The following DCLK1 variants were observed in gnomAD, a reference collection of about 807,000 sequenced individuals.
The protein encoded by DCLK1 is doublecortin like kinase 1.
DCLK1 carries 16 observed loss-of-function variants against 86.2 expected under a neutral mutation model. The observed-to-expected ratio is 0.19, with a 90% CI of 0.13 to 0.28. The LOEUF is 0.28. Ranked by LOEUF, DCLK1 falls within the 10% of genes least tolerant of loss-of-function variation. The pLI is 1.00. For synonymous variants in DCLK1, 369 were observed against 370.5 expected (o/e 1.00, Z 0.05); for missense variants, 590 against 940.2 (o/e 0.63, Z 4.87).
chr13:35,869,786 G>A (rs1013494354), intron 5 of DCLK1, among the ~76,000 whole-genome samples: 4 of 152,182 alleles, frequency 2.6e-5, no homozygotes, highest in African/African-American at 9.6e-5. Flanking sequence ...GTGCTCAGGT[G>A]ATGGTGATGC....
At chr13:35,933,494 A>G (rs947430399) in intron 4 of DCLK1, among the ~76,000 whole-genome samples, 18 of 152,212 alleles carry the variant, frequency 1.2e-4, no homozygotes, top group African/African-American at 4.3e-4. Context: ...GCATCCAGGC[A>G]TTTCCATACA....
chr13:35,838,956 CT>C (rs1190105926), intron 7 of DCLK1, 135 bp downstream of exon 7: 1 of 745,954 alleles, frequency 1.3e-6, no homozygotes, highest in African/African-American at 1.8e-5. Context: ...ATATTCAACC[CT>C]ATCCCCTTGT....
intron 3 of DCLK1, among the ~76,000 whole-genome samples, chr13:35,954,557 G>A (rs1877877779): frequency 6.6e-6 from 1 of 152,190 alleles, no homozygotes; most frequent in Non-Finnish European, 1.5e-5. Context: ...TATTAGAAGC[G>A]TGTTACGTTA....
At chr13:36,103,947 G>A (rs141952456) in intron 3 of DCLK1, among the ~76,000 whole-genome samples, 21 of 152,318 alleles carry the variant, frequency 1.4e-4, no homozygotes, top group Non-Finnish European at 2.1e-4. Flanking sequence ...CTCAGACGGC[G>A]AGATGTTTCT....
At chr13:35,860,956 C>T (rs992389013) in intron 5 of DCLK1, among the ~76,000 whole-genome samples, 2 of 152,128 alleles carry the variant, frequency 1.3e-5, no homozygotes, top group Admixed American at 1.3e-4. Flanking sequence ...GTGGAAAAGC[C>T]CAAGCTGGGG....
At chr13:35,846,649 T>C in intron 6 of DCLK1, 1 of 985,396 alleles carries the variant, frequency 1.0e-6, no homozygotes, top group Non-Finnish European at 1.2e-6. Context: ...GCAATTGGTA[T>C]ATTGAATTCA....
chr13:35,925,212 G>A (rs7983295), intron 4 of DCLK1, among the ~76,000 whole-genome samples: 98,882 of 152,070 alleles, frequency 0.65, 32,591 homozygotes, highest in Admixed American at 0.76. Context: ...GCAGAGGAGC[G>A]GCCAAAGGAG....
Position 35,871,285 on chromosome 13 carries a change from C to T in DCLK1, c.879G>A (p.Arg293=). 1 of 1,613,892 alleles carries T rather than the reference C, an allele frequency of 6.2e-7. No individual in the cohort carries two copies. The highest frequency in any genetic ancestry group is 1.1e-5 in the South Asian group (1 of 91,046). ...ACGGTCCTGGGCTCTTGGTGGTGCT[C>T]CTGCGGGATGATGAAGCTATTTTGG... ...SYTKIASSSR[R]STTKSPGPSR... is the part of the protein sequence containing the mutation. The change falls in exon 5 of 17, where the codon AGG becomes AGA. Residue 293 remains arginine, a synonymous_variant. Transcript: ENST00000360631.
chr13:36,123,812 G>A (rs1205466631), intron 2 of DCLK1, among the ~76,000 whole-genome samples: 1 of 152,232 alleles, frequency 6.6e-6, no homozygotes, highest in African/African-American at 2.4e-5. Context: ...CTTCAGTCAA[G>A]ACATCAGTCC....
intron 4 of DCLK1, among the ~76,000 whole-genome samples, chr13:35,894,328 G>T (rs1298927991): frequency 6.6e-6 from 1 of 152,156 alleles, no homozygotes; most frequent in Non-Finnish European, 1.5e-5. Flanking sequence ...TTATCCAGGG[G>T]CACACAGCTA....
At chr13:35,918,892 G>GTTTTTTGTTTTTTTT (rs1875603140) in intron 4 of DCLK1, among the ~76,000 whole-genome samples, 3 of 76,310 alleles carry the variant, frequency 3.9e-5, no homozygotes, top group African/African-American at 1.3e-4. Flanking sequence ...TTCTGAGTGT[G>GTTTTTTGTTTTTTTT]TTTTTTTTTT....
chr13:36,005,192 A>G (rs1388477394), intron 3 of DCLK1, among the ~76,000 whole-genome samples: 4 of 152,226 alleles, frequency 2.6e-5, no homozygotes, highest in Non-Finnish European at 5.9e-5. Flanking sequence ...AAACATAAAT[A>G]AGAAGTTTGA....
At chr13:35,820,627 G>A (rs9545466) in intron 11 of DCLK1, among the ~76,000 whole-genome samples, 9,254 of 152,236 alleles carry the variant, frequency 0.061, 377 homozygotes, top group Middle Eastern at 0.1. Flanking sequence ...ATTTTCAGTC[G>A]CTGAAGTTTG....
At chr13:35,893,602 T>C (rs1023131752) in intron 4 of DCLK1, among the ~76,000 whole-genome samples, 27 of 152,206 alleles carry the variant, frequency 1.8e-4, no homozygotes, top group African/African-American at 6.0e-4. Context: ...TGCAGGTACA[T>C]TGCACAGGTT....
intron 15 of DCLK1, among the ~76,000 whole-genome samples, chr13:35,796,408 G>A (rs1241151470): frequency 1.3e-5 from 2 of 152,170 alleles, no homozygotes; most frequent in Admixed American, 1.3e-4. Context: ...GGGTAGGGAC[G>A]GAGGGTAGAA....
At chr13:35,850,966 C>A (rs552093592) in intron 6 of DCLK1, among the ~76,000 whole-genome samples, 142 of 152,274 alleles carry the variant, frequency 9.3e-4, no homozygotes, top group African/African-American at 3.3e-3. Context: ...GTGCTGGTTT[C>A]GCCTTATTGG....
intron 4 of DCLK1, among the ~76,000 whole-genome samples, chr13:35,874,953 C>T (rs1466538030): frequency 1.3e-5 from 2 of 152,194 alleles, no homozygotes; most frequent in East Asian, 1.9e-4. Flanking sequence ...CATGCTTCCT[C>T]GTACATTTTT....
At position 36,126,214 on chromosome 13, in the gene DCLK1, TATA is replaced by T. The variant is rs780959141; in HGVS notation, c.-19-61_-19-59del. 7.3e-5 allele frequency: 50 copies of T among 682,764 alleles called. 1 individual carries two copies. The highest frequency in any genetic ancestry group is 3.8e-4 in the South Asian group (7 of 18,662). 42.3% of individuals were successfully genotyped at this position (682,764 alleles called of 1,614,324 possible). On this transcript the variant is annotated intron_variant, in intron 1 of 16. Transcript: ENST00000360631. Reference sequence around the variant, plus strand: ...TATTGATGTAGGTTATATATATATATATATTTTTTTGTTTTTGTTTTTTTTATG... The same window carrying T: ...TATTGATGTAGGTTATATATATATATTTTTTTTGTTTTTGTTTTTTTTATG...
chr13:35,918,149 C>T (rs1317810719), intron 4 of DCLK1, among the ~76,000 whole-genome samples: 16 of 152,182 alleles, frequency 1.1e-4, no homozygotes, highest in Admixed American at 1.0e-3. Context: ...CCTCATATGA[C>T]TCATAAGGCA....
Sources: allele counts gnomAD v4.1 joint callset (sites outside exome capture counted in the v4.1 genomes callset), GRCh38; gene constraint gnomAD v4.1.1; transcripts MANE v1.5; gene names NCBI Gene and HGNC (gene_info 2026-07-23, HGNC 2026-07-21).